The following RGS5 variants were observed in gnomAD, a reference collection of about 807,000 sequenced individuals.
The protein encoded by RGS5 is regulator of G-protein signalling 5.
A neutral mutation model predicts 18.9 loss-of-function variants in RGS5; 20 were observed. The ratio of observed to expected loss-of-function variants is 1.06; its 90% confidence interval spans 0.74 to 1.54. The LOEUF is 1.54. RGS5 is among the 40% of genes most tolerant of loss of function. The pLI is 0.00. For missense variants in RGS5, 201 were observed against 211.8 expected, an observed-to-expected ratio of 0.95 and a Z score of 0.32; for synonymous variants, 57 against 76.2, an observed-to-expected ratio of 0.75 and a Z score of 1.31.
At chr1:163,280,250 T>C (rs1648957963) in intron 2 of RGS5, among the ~76,000 whole-genome samples, 1 of 151,862 alleles carries the variant, frequency 6.6e-6, no homozygotes, top group Non-Finnish European at 1.5e-5. Flanking sequence ...AACACAGTTG[T>C]AAAAATCCTC....
At chr1:163,223,515 G>T (rs915120344) in intron 2 of RGS5, among the ~76,000 whole-genome samples, 1 of 151,576 alleles carries the variant, frequency 6.6e-6, no homozygotes, top group Admixed American at 6.6e-5. Flanking sequence ...GGGCACAAAT[G>T]ATACATATTT....
At chr1:163,177,068 G>A (rs768361597) in intron 1 of RGS5, among the ~76,000 whole-genome samples, 4 of 152,230 alleles carry the variant, frequency 2.6e-5, no homozygotes, top group African/African-American at 4.8e-5. Context: ...CGTGCTAGAA[G>A]TGAGTGTTTA....
rs144683296 is a variant in RGS5, at chr1:163,279,035, C to T, written c.-281+27198G>A. 5.1e-4 allele frequency among the ~76,000 whole-genome samples: 78 copies of T among 152,106 alleles called. No homozygotes were observed. In the East Asian group the frequency reaches 0.012, roughly 23 times the overall value. The stretch of plus-strand genomic sequence containing the variant: ...CCAGAGATATAAAGCAAATATTATT[C>T]GAGCTAAAGACAGAGCTAGACCCTA... On this transcript the variant is annotated intron_variant, in intron 2 of 5. Transcript: ENST00000618415.
intron 1 of RGS5, among the ~76,000 whole-genome samples, chr1:163,191,989 AG>A (rs1453764164): frequency 6.6e-6 from 1 of 152,162 alleles, no homozygotes; most frequent in East Asian, 1.9e-4. Flanking sequence ...TCAAGGGGCT[AG>A]GAGGGTGGTG....
rs962029672 is a variant in RGS5, at chr1:163,257,300, G to A, written c.-281+48933C>T. Among the ~76,000 whole-genome samples, 8 of 152,202 alleles carry A rather than the reference G, an allele frequency of 5.3e-5. No homozygotes were observed. The East Asian group carries it at 7.7e-4, about 15-fold the overall frequency. ...AGGGGGACCTGGGGTTGGGGAGGGC[G>A]AGATCAGAAAAGACTTCATAGCCAA... On this transcript the variant is annotated intron_variant, in intron 2 of 5. Coordinates refer to the RGS5 transcript ENST00000618415.
chr1:163,299,763 A>T (rs1348305499), intron 2 of RGS5, among the ~76,000 whole-genome samples: 1 of 152,220 alleles, frequency 6.6e-6, no homozygotes, highest in South Asian at 2.1e-4. Flanking sequence ...TCTAGTAGCC[A>T]GTACCACAGT....
intron 2 of RGS5, among the ~76,000 whole-genome samples, chr1:163,303,663 G>T (rs1649622083): frequency 1.3e-5 from 2 of 152,130 alleles, no homozygotes; most frequent in Admixed American, 1.3e-4. Flanking sequence ...TATACAATCA[G>T]GGGTTCCCAA....
intron 2 of RGS5, among the ~76,000 whole-genome samples, chr1:163,166,127 C>T (rs892245232): frequency 5.3e-5 from 8 of 151,446 alleles, no homozygotes; most frequent in Non-Finnish European, 7.4e-5. Flanking sequence ...GAGAGAAAGG[C>T]GGGAAGAGAA....
At chr1:163,285,775 T>TTCTC (rs140396614) in intron 2 of RGS5, among the ~76,000 whole-genome samples, 23 of 148,694 alleles carry the variant, frequency 1.5e-4, no homozygotes, top group Non-Finnish European at 2.8e-4. Context: ...CACCTTCCCC[T>TTCTC]TCTCTCTCTC....
chr1:163,307,446 G>C (rs960929471), intron 1 of RGS5, among the ~76,000 whole-genome samples: 4 of 151,872 alleles, frequency 2.6e-5, no homozygotes, highest in Non-Finnish European at 5.9e-5. Flanking sequence ...AAATCATGTA[G>C]AAAAAGTCCC....
At chr1:163,155,197 A>T (rs1657534313) in intron 3 of RGS5, among the ~76,000 whole-genome samples, 1 of 152,150 alleles carries the variant, frequency 6.6e-6, no homozygotes, top group Non-Finnish European at 1.5e-5. Context: ...CCTATCTCTG[A>T]ATCACCCATT....
chr1:163,233,786 C>T (rs1044178753), intron 2 of RGS5, among the ~76,000 whole-genome samples: 4 of 151,946 alleles, frequency 2.6e-5, no homozygotes, highest in South Asian at 2.1e-4. Flanking sequence ...GTGTATCGTA[C>T]AAAGTACATT....
At chr1:163,216,818 A>G (rs1160435662) in intron 1 of RGS5, among the ~76,000 whole-genome samples, 1 of 152,204 alleles carries the variant, frequency 6.6e-6, no homozygotes, top group East Asian at 1.9e-4. Flanking sequence ...AAGTTACTTT[A>G]AAGTCATTCT....
chr1:163,296,165 T>TA (rs953051772), intron 2 of RGS5, among the ~76,000 whole-genome samples: 1 of 152,196 alleles, frequency 6.6e-6, no homozygotes, highest in Non-Finnish European at 1.5e-5. Flanking sequence ...ATGATGACAG[T>TA]AGACTTATTT....
intron 3 of RGS5, among the ~76,000 whole-genome samples, chr1:163,155,807 G>A (rs937008721): frequency 3.3e-5 from 5 of 152,162 alleles, no homozygotes; most frequent in Middle Eastern, 3.4e-3. Flanking sequence ...TGCACAGAGC[G>A]TCGGAGTACC....
intron 2 of RGS5, among the ~76,000 whole-genome samples, chr1:163,246,311 C>T (rs1174840541): frequency 6.6e-6 from 1 of 151,594 alleles, no homozygotes; most frequent in African/African-American, 2.4e-5. Flanking sequence ...TGCCTCACGC[C>T]TGTAATCCCA....
In RGS5 at chr1:163,233,326, T is replaced by C. The variant is rs191118757; in HGVS notation, c.-280-64958A>G. ...TATGGGGTTTTCCCATTTTTCTCTT[T>C]GTAATTAATGTGATCTGTAATAAAA... is the stretch of plus-strand genomic sequence containing the variant. On this transcript the variant is annotated intron_variant, in intron 2 of 5. Transcript: ENST00000618415. 1.8e-3 allele frequency among the ~76,000 whole-genome samples: 281 copies of C among 152,346 alleles called. 1 individual carries two copies. The highest frequency in any genetic ancestry group is 6.4e-3 in the African/African-American group (264 of 41,574).
At chr1:163,150,677 A>T (rs370445577) in intron 4 of RGS5, among the ~76,000 whole-genome samples, 32 of 152,064 alleles carry the variant, frequency 2.1e-4, no homozygotes, top group Middle Eastern at 3.2e-3. Context: ...TTAAATCTAG[A>T]TTCTTTCTAG....
chr1:163,244,145 A>G (rs1203873424), intron 2 of RGS5, among the ~76,000 whole-genome samples: 2 of 152,326 alleles, frequency 1.3e-5, no homozygotes, highest in African/African-American at 4.8e-5. Context: ...CAAGTCAATG[A>G]GTAATTTGGT....
Sources: gnomAD v4.1 joint callset for allele counts (sites outside exome capture counted in the v4.1 genomes callset) on GRCh38, gnomAD v4.1.1 for gene constraint, MANE v1.5 for transcripts, NCBI Gene and HGNC (gene_info 2026-07-23, HGNC 2026-07-21) for gene names.